Variants in KCNB2 observed in about 807,000 individuals in gnomAD.
KCNB2 encodes the protein potassium voltage-gated channel subfamily B member 2.
Under a neutral mutation model 61.5 loss-of-function variants are expected in KCNB2, and 15 were observed. That is an observed-to-expected ratio of 0.24 (90% confidence interval 0.16 to 0.38). The LOEUF (loss-of-function observed/expected upper bound fraction) is 0.38. Among genes scored for constraint, KCNB2 ranks in the 10% least tolerant of loss-of-function variants. KCNB2 has a pLI of 1.00. For missense variants in KCNB2, 828 were observed against 1,125.2 expected, an observed-to-expected ratio of 0.74 and a Z score of 3.78; for synonymous variants, 457 against 446.0, an observed-to-expected ratio of 1.02 and a Z score of -0.31.
rs1042610721 is a variant in KCNB2, at chr8:72,937,144, A to G, written c.1789A>G (p.Met597Val). The G allele has an allele frequency of 6.2e-7, 1 of 1,614,178 alleles. No individual in the cohort carries two copies. The highest frequency in any genetic ancestry group is 8.5e-7 in the Non-Finnish European group (1 of 1,180,026). ...GGCACAGACCGAGGTCATTGTGGAC[A>G]TGAAGAGCACCTCCAGCATCGACAG... is the stretch of plus-strand genomic sequence containing the variant. ...AVAQTEVIVD[M>V]KSTSSIDSFT... Residue 597 changes from methionine (M) to valine (V), a missense_variant, in exon 3 of 3, where the codon ATG becomes GTG. Physicochemically the swap from Met to Val is conservative, Grantham distance 21 (BLOSUM62 1). Around this residue, in one of 4 missense-constraint regions of KCNB2, gnomAD observed 559 missense variants for 588.4 expected, o/e 0.95. Coordinates refer to ENST00000523207, the MANE Select transcript of KCNB2 (RefSeq NM_004770.3).
chr8:72,631,526 G>A (rs1805881984), intron 2 of KCNB2, among the ~76,000 whole-genome samples: 1 of 152,114 alleles, frequency 6.6e-6, no homozygotes, highest in African/African-American at 2.4e-5. Flanking sequence ...TATTGGATTA[G>A]GGCTCACCCT....
chr8:72,635,581 G>T (rs990238146), intron 2 of KCNB2, among the ~76,000 whole-genome samples: 1 of 152,104 alleles, frequency 6.6e-6, no homozygotes, highest in African/African-American at 2.4e-5. Context: ...ATGTTCCTAG[G>T]CTTCAGTTTT....
At chr8:72,821,659 A>AAAAAAAAAAAAAAAAAAAACAAC (rs1554535735) in intron 2 of KCNB2, among the ~76,000 whole-genome samples, 1 of 117,006 alleles carries the variant, frequency 8.5e-6, no homozygotes, top group African/African-American at 3.2e-5. Context: ...AAAAAAAAAA[A>AAAAAAAAAAAAAAAAAAAACAAC]ACACACACAC....
chr8:72,560,960 T>C (rs1182542551), intron 1 of KCNB2, among the ~76,000 whole-genome samples: 1 of 152,128 alleles, frequency 6.6e-6, no homozygotes, highest in African/African-American at 2.4e-5. Flanking sequence ...TTACGGGGTC[T>C]AAACAAAATA....
intron 2 of KCNB2, among the ~76,000 whole-genome samples, chr8:72,589,786 A>T (rs190129043): frequency 2.0e-5 from 3 of 152,322 alleles, no homozygotes; most frequent in African/African-American, 7.2e-5. Flanking sequence ...ATCAGTTGCA[A>T]CACTGCTCAT....
chr8:72,758,767 T>G (rs1454318804), intron 2 of KCNB2, among the ~76,000 whole-genome samples: 1 of 152,218 alleles, frequency 6.6e-6, no homozygotes, highest in Non-Finnish European at 1.5e-5. Flanking sequence ...AGTGATTTAA[T>G]TGGCAGTCAT....
At chr8:72,854,979 G>C (rs746164256) in intron 2 of KCNB2, among the ~76,000 whole-genome samples, 1 of 152,112 alleles carries the variant, frequency 6.6e-6, no homozygotes, top group Non-Finnish European at 1.5e-5. Flanking sequence ...CACATCAAGC[G>C]ACTGTGCCCA....
At position 72,938,157 on chromosome 8, in the gene KCNB2, GT is replaced by G; in HGVS notation, c.*68del. ...ACAAAACTTGTTTCTTAAAAATGCGGTTAATAATGCCTGTGAACTAAAAAAA... is the reference window on the plus strand; with the variant it reads ...ACAAAACTTGTTTCTTAAAAATGCGGTAATAATGCCTGTGAACTAAAAAAA... On this transcript the variant is annotated 3_prime_UTR_variant, in exon 3 of 3. Coordinates refer to ENST00000523207, the MANE Select transcript of KCNB2 (RefSeq NM_004770.3). 7.6e-7 allele frequency: 1 copy of G among 1,321,986 alleles called. No homozygotes were observed. The allele number at this position is 1,321,986 out of a possible 1,614,324, so 81.9% of individuals were successfully genotyped here. A position where few individuals can be genotyped will look rare whatever the true frequency, so the allele number is the denominator to read the frequency against.
At chr8:72,865,819 A>G (rs1805507641) in intron 2 of KCNB2, among the ~76,000 whole-genome samples, 1 of 152,140 alleles carries the variant, frequency 6.6e-6, no homozygotes, top group Non-Finnish European at 1.5e-5. Flanking sequence ...CATCCTAAGG[A>G]AACACCCTGA....
chr8:72,916,644 T>C (rs1246147411), intron 2 of KCNB2, among the ~76,000 whole-genome samples: 1 of 152,180 alleles, frequency 6.6e-6, no homozygotes, highest in Non-Finnish European at 1.5e-5. Flanking sequence ...CAAGTTCTTA[T>C]CTGGCATCCA....
intron 2 of KCNB2, among the ~76,000 whole-genome samples, chr8:72,583,935 A>C (rs969371923): frequency 6.8e-6 from 1 of 146,144 alleles, no homozygotes; most frequent in African/African-American, 2.5e-5. Flanking sequence ...CAACAGTTAC[A>C]ACAATAGAAT....
At position 72,811,677 on chromosome 8, in the gene KCNB2, A is replaced by C. The variant is rs899226394; in HGVS notation, c.580-124258A>C. Among the ~76,000 whole-genome samples, 2 of 152,072 alleles carry C rather than the reference A, an allele frequency of 1.3e-5. 1 individual carries two copies. ...TTTGGAAAGGAAATCTTTCTTTCTC[A>C]TAAAGGGTTGCAGCCTGCAGTGTGG... On this transcript the variant is annotated intron_variant, in intron 2 of 2. Transcript: ENST00000523207.
intron 2 of KCNB2, among the ~76,000 whole-genome samples, chr8:72,894,442 G>A (rs1424505453): frequency 2.0e-5 from 3 of 152,118 alleles, no homozygotes; most frequent in South Asian, 2.1e-4. Context: ...TGAGGGATGC[G>A]ATTCAATTTA....
At chr8:72,749,071 T>TC (rs2128995413) in intron 2 of KCNB2, among the ~76,000 whole-genome samples, 1 of 152,274 alleles carries the variant, frequency 6.6e-6, no homozygotes, top group Non-Finnish European at 1.5e-5. Flanking sequence ...TCAGGGTCTT[T>TC]TCTAGTCCAC....
intron 2 of KCNB2, among the ~76,000 whole-genome samples, chr8:72,600,939 G>A (rs974395647): frequency 6.6e-6 from 1 of 151,466 alleles, no homozygotes; most frequent in Non-Finnish European, 1.5e-5. Context: ...AAACCCCCAT[G>A]ACACGAGTTT....
rs980023253 is a variant in KCNB2, at chr8:72,537,508, C to T, written c.-471C>T. On this transcript the variant is annotated 5_prime_UTR_variant, in exon 1 of 3. Coordinates refer to ENST00000523207, the MANE Select transcript of KCNB2 (RefSeq NM_004770.3). Reference sequence around the variant, plus strand: ...CCCGCTCGATTTTTCCTCTTCTGTTCCAGCCCTCTCTTGTCTGGGTGGCTG... The same window carrying T: ...CCCGCTCGATTTTTCCTCTTCTGTTTCAGCCCTCTCTTGTCTGGGTGGCTG... 6.6e-6 allele frequency: 1 copy of T among 152,496 alleles called. No individual in the cohort carries two copies. Among genetic ancestry groups the T allele is most frequent in the Admixed American group, 6.5e-5 (1 of 15,288 alleles). 9.4% of individuals were successfully genotyped at this position (152,496 alleles called of 1,614,324 possible).
At chr8:72,901,318 C>A (rs112900745) in intron 2 of KCNB2, among the ~76,000 whole-genome samples, 15 of 152,256 alleles carry the variant, frequency 9.9e-5, no homozygotes, top group African/African-American at 3.6e-4. Flanking sequence ...TGGCAAGAAA[C>A]AGTAGCAGGG....
At chr8:72,633,372 G>A (rs575573370) in intron 2 of KCNB2, among the ~76,000 whole-genome samples, 11 of 152,256 alleles carry the variant, frequency 7.2e-5, no homozygotes, top group African/African-American at 2.4e-4. Context: ...AAGGGCTCAT[G>A]TGATTAGATT....
chr8:72,618,224 C>T (rs1031617396), intron 2 of KCNB2, among the ~76,000 whole-genome samples: 2 of 151,982 alleles, frequency 1.3e-5, no homozygotes, highest in Admixed American at 1.3e-4. Flanking sequence ...CCAAATGATT[C>T]AGGTTTCTGT....
Sources: gnomAD v4.1 joint callset for allele counts (sites outside exome capture counted in the v4.1 genomes callset) on GRCh38, gnomAD v4.1.1 for gene constraint, gnomAD v4.1.1 regional missense constraint, MANE v1.5 for transcripts, NCBI Gene and HGNC (gene_info 2026-07-23, HGNC 2026-07-21) for gene names.